The following AKAP13 variants were observed in gnomAD, a reference collection of about 807,000 sequenced individuals.
The protein encoded by AKAP13 is A-kinase anchoring protein 13, also known as A-kinase anchor protein 13.
In AKAP13, 80 loss-of-function variants were observed where a neutral mutation model predicts 264.5. That is an observed-to-expected ratio of 0.30 (90% CI 0.25 to 0.36). The LOEUF (loss-of-function observed/expected upper bound fraction) is 0.36. Among genes scored for constraint, AKAP13 ranks in the 10% least tolerant of loss-of-function variants. The pLI is 1.00. For missense variants in AKAP13, 3,712 were observed against 3,435.2 expected (o/e 1.08, Z -2.01); for synonymous variants, 1,380 against 1,250.2 (o/e 1.10, Z -2.19).
chr15:85,609,145 T>TC (rs1246710100), intron 8 of AKAP13, among the ~76,000 whole-genome samples: 2 of 152,258 alleles, frequency 1.3e-5, no homozygotes, highest in Admixed American at 6.5e-5. Context: ...AATCCTCTCT[T>TC]CCCGCTAGTT....
chr15:85,625,291 A>G (rs2081359400), intron 8 of AKAP13, among the ~76,000 whole-genome samples: 1 of 152,218 alleles, frequency 6.6e-6, no homozygotes, highest in Non-Finnish European at 1.5e-5. Flanking sequence ...ATACATAATC[A>G]TCTTCATTTT....
intron 1 of AKAP13, among the ~76,000 whole-genome samples, chr15:85,477,718 A>G (rs1422212949): frequency 6.8e-6 from 1 of 147,664 alleles, no homozygotes; most frequent in Non-Finnish European, 1.5e-5. Context: ...TTCCCCATTT[A>G]GCTGCAACAC....
At position 85,718,010 on chromosome 15, in the gene AKAP13, T is replaced by G; in HGVS notation, c.5852T>G (p.Val1951Gly). 1 of 1,612,882 alleles carries G rather than the reference T, an allele frequency of 6.2e-7. No individual in the cohort carries two copies. Among genetic ancestry groups the G allele is most frequent in the Non-Finnish European group, 8.5e-7 (1 of 1,179,306 alleles). ...ATTGATTTTTTGATATATTGAGGAGTAGGTACAGACATGAATGAAGGACAA... is the reference window on the plus strand; with the variant it reads ...ATTGATTTTTTGATATATTGAGGAGGAGGTACAGACATGAATGAAGGACAA... ...ESTESLTDEG[V>G]GTDMNEGQLL... Residue 1951 changes from valine to glycine, a missense_variant, in exon 22 of 37, where the codon GTA (valine) becomes GGA (glycine). Around this residue, in one of 3 missense-constraint regions of AKAP13, gnomAD observed 2,759 missense variants for 2,411.7 expected, o/e 1.14. Transcript: ENST00000394518. This position sits in a 1 kb window ranked among gnomAD's most constrained non-coding sequence, Gnocchi z 4.9.
chr15:85,723,591 G>T (rs182663957), intron 26 of AKAP13, among the ~76,000 whole-genome samples: 1 of 152,170 alleles, frequency 6.6e-6, no homozygotes, highest in East Asian at 1.9e-4. Context: ...AAAGCAAAGC[G>T]TAAGATTGGT....
chr15:85,577,970 T>A (rs897078553), intron 6 of AKAP13: 2 of 255,134 alleles, frequency 7.8e-6, no homozygotes, highest in South Asian at 3.0e-4. Flanking sequence ...GTAAGTAGAC[T>A]CTGCCCTTCT....
At chr15:85,487,453 A>C (rs747695306) in intron 2 of AKAP13, among the ~76,000 whole-genome samples, 1 of 152,176 alleles carries the variant, frequency 6.6e-6, no homozygotes, top group Non-Finnish European at 1.5e-5. Context: ...TAGTTTGACT[A>C]TTTTTATGAT....
intron 8 of AKAP13, among the ~76,000 whole-genome samples, chr15:85,631,483 TTCTCTCTC>T (rs144246285): frequency 8.3e-6 from 1 of 120,276 alleles, no homozygotes; most frequent in African/African-American, 3.3e-5. Flanking sequence ...CACACACACT[TTCTCTCTC>T]TCTCTCTCTC....
intron 1 of AKAP13, among the ~76,000 whole-genome samples, chr15:85,456,326 A>G (rs1358983454): frequency 6.6e-6 from 1 of 152,202 alleles, no homozygotes; most frequent in Non-Finnish European, 1.5e-5. Flanking sequence ...ATGACTGTTA[A>G]TAAGGTGTTA....
chr15:85,697,839 T>A (rs554358746), intron 17 of AKAP13, among the ~76,000 whole-genome samples: 33 of 152,342 alleles, frequency 2.2e-4, no homozygotes, highest in Admixed American at 9.1e-4. Flanking sequence ...GACTTCACAC[T>A]GGATTTGTTT....
chr15:85,434,242 C>A (rs1400554595), intron 1 of AKAP13, among the ~76,000 whole-genome samples: 1 of 152,006 alleles, frequency 6.6e-6, no homozygotes, highest in Admixed American at 6.5e-5. Context: ...CACTCCCACC[C>A]GAATATTGCG....
At chr15:85,558,821 A>G (rs1197784892) in intron 5 of AKAP13, among the ~76,000 whole-genome samples, 2 of 152,042 alleles carry the variant, frequency 1.3e-5, no homozygotes, top group East Asian at 1.9e-4. Flanking sequence ...TGTTATTTAA[A>G]TTGGTAATCC....
At chr15:85,720,686 G>A (rs192470586) in intron 23 of AKAP13, among the ~76,000 whole-genome samples, 2 of 152,312 alleles carry the variant, frequency 1.3e-5, no homozygotes, top group African/African-American at 4.8e-5. Context: ...CTGTGTAGAA[G>A]CAGAGGCTTA....
rs185748670 is a variant in AKAP13, at chr15:85,659,744, A to G, written c.4799+1154A>G. ...TTAGTGTATACATGGAGTGTCATCA[A>G]CAACTCCAGCCAGTTTCATCCCTAG... is the stretch of plus-strand genomic sequence containing the variant. On this transcript the variant is annotated intron_variant, in intron 12 of 36. Transcript: ENST00000394518. 5.3e-5 allele frequency among the ~76,000 whole-genome samples: 8 copies of G among 152,332 alleles called. No individual in the cohort carries two copies. The East Asian group carries it at 1.3e-3, about 26-fold the overall frequency.
intron 9 of AKAP13, among the ~76,000 whole-genome samples, chr15:85,643,810 G>A (rs2082420726): frequency 6.6e-6 from 1 of 152,100 alleles, no homozygotes; most frequent in African/African-American, 2.4e-5. Flanking sequence ...AAGCTCCTCG[G>A]CAAGCTGTAT....
At chr15:85,716,348 T>C (rs1322171084) in intron 20 of AKAP13, among the ~76,000 whole-genome samples, 3 of 152,204 alleles carry the variant, frequency 2.0e-5, no homozygotes, top group Non-Finnish European at 2.9e-5. Flanking sequence ...TTTACATCTT[T>C]GCCTTTTAAC....
At chr15:85,528,392 A>C (rs1440402388) in intron 3 of AKAP13, among the ~76,000 whole-genome samples, 1 of 152,154 alleles carries the variant, frequency 6.6e-6, no homozygotes, top group Non-Finnish European at 1.5e-5. Flanking sequence ...CATGCTGGAG[A>C]AGCTCTTTGT....
At chr15:85,685,488 G>GTC (rs1555459223) in intron 16 of AKAP13, 2 of 133,926 alleles carry the variant, frequency 1.5e-5, no homozygotes, top group African/African-American at 5.5e-5. Flanking sequence ...GTGTGTGTGT[G>GTC]TCTGTGTGTG....
At chr15:85,588,277 C>T (rs377439397) in intron 8 of AKAP13, among the ~76,000 whole-genome samples, 1 of 152,296 alleles carries the variant, frequency 6.6e-6, no homozygotes, top group African/African-American at 2.4e-5. Flanking sequence ...CTAACCCGCC[C>T]TTATTACACA....
At chr15:85,605,009 C>A (rs978816513) in intron 8 of AKAP13, among the ~76,000 whole-genome samples, 2 of 152,122 alleles carry the variant, frequency 1.3e-5, no homozygotes, top group African/African-American at 4.8e-5. Flanking sequence ...TTACATGTTT[C>A]CTGCTCAGTG....
Sources: gnomAD v4.1 joint callset for allele counts (sites outside exome capture counted in the v4.1 genomes callset) on GRCh38, gnomAD v4.1.1 for gene constraint, gnomAD v4.1.1 regional missense constraint, Gnocchi (gnomAD v3.1) non-coding constraint, MANE v1.5 for transcripts, NCBI Gene and HGNC (gene_info 2026-07-23, HGNC 2026-07-21) for gene names.